STK38: variants seen among roughly 807,000 people sequenced by gnomAD.
STK38 encodes the protein serine/threonine-protein kinase 38.
Under a neutral mutation model 59.0 loss-of-function variants are expected in STK38, and 26 were observed. The ratio of observed to expected loss-of-function variants is 0.44; its 90% CI spans 0.32 to 0.61. STK38 has a LOEUF of 0.61. STK38 is among the 20% of genes least tolerant of loss of function. The probability of loss-of-function intolerance (pLI) is 0.04; values close to 1 mark genes in which losing one functional copy is unlikely to be tolerated. For missense variants in STK38, 433 were observed against 566.0 expected, an observed-to-expected ratio of 0.76 and a Z score of 2.38; for synonymous variants, 175 against 176.6, an observed-to-expected ratio of 0.99 and a Z score of 0.07.
Position 36,540,215 on chromosome 6 carries a change from C to T in STK38, c.-5-8G>A. ...CTGTCATTGCCATGGCTGCTAGAAA[C>T]AAAGAAAAGAAGAGGTGTTAGATTT... On this transcript the variant is annotated splice_polypyrimidine_tract_variant and splice_region_variant and intron_variant, in intron 1 of 13. Coordinates refer to ENST00000229812, the MANE Select transcript of STK38 (RefSeq NM_007271.4). The T allele has an allele frequency of 6.2e-7, 1 of 1,613,390 alleles. No homozygotes were observed. Among genetic ancestry groups the T allele is most frequent in the Non-Finnish European group, 8.5e-7 (1 of 1,179,710 alleles).
chr6:36,513,846 A>AT (rs1777174662), intron 7 of STK38, among the ~76,000 whole-genome samples: 2 of 134,804 alleles, frequency 1.5e-5, no homozygotes, highest in South Asian at 2.6e-4. Context: ...TCTACTAAAA[A>AT]TTAAAAAAAA....
rs747537129 is a variant in STK38, at chr6:36,517,703, C to T, written c.514+14G>A. ...ACAAAAAGAAAAAATGACCTTTCAT[C>T]GTCAAGTAATTACCTCCAGGCAGGA... On this transcript the variant is annotated intron_variant, in intron 6 of 13. Coordinates refer to ENST00000229812, the MANE Select transcript of STK38 (RefSeq NM_007271.4). 27 of 1,609,194 alleles carry T rather than the reference C, an allele frequency of 1.7e-5. No homozygotes were observed. Among genetic ancestry groups the T allele is most frequent in the East Asian group, 2.2e-5 (1 of 44,836 alleles).
At chr6:36,537,963 C>T (rs1213627813) in intron 2 of STK38, among the ~76,000 whole-genome samples, 3 of 151,756 alleles carry the variant, frequency 2.0e-5, no homozygotes, top group African/African-American at 7.3e-5. Flanking sequence ...TACATGTTTC[C>T]ATTTATGTGT....
chr6:36,507,642 T>C (rs1266279539), intron 7 of STK38, 40 bp from the exon 8 acceptor site: 3 of 1,489,150 alleles, frequency 2.0e-6, no homozygotes, highest in South Asian at 1.1e-5. Flanking sequence ...ATGAGTATTC[T>C]TGGAGGTAGA....
At chr6:36,501,269 G>A (rs1031771946) in intron 9 of STK38, among the ~76,000 whole-genome samples, 7 of 151,776 alleles carry the variant, frequency 4.6e-5, no homozygotes, top group African/African-American at 1.5e-4. Flanking sequence ...AACATTTTCT[G>A]CATTCCAGTA....
chr6:36,531,512 C>T (rs1777665841), intron 2 of STK38, among the ~76,000 whole-genome samples: 1 of 152,174 alleles, frequency 6.6e-6, no homozygotes, highest in South Asian at 2.1e-4. Context: ...TACCTAGGAT[C>T]ACATACAGAG....
At chr6:36,505,144 A>G (rs1231260968) in intron 9 of STK38, among the ~76,000 whole-genome samples, 1 of 152,130 alleles carries the variant, frequency 6.6e-6, no homozygotes, top group Non-Finnish European at 1.5e-5. Context: ...CTGAATCATA[A>G]TTTCTGTGGG....
intron 2 of STK38, among the ~76,000 whole-genome samples, chr6:36,530,526 A>T (rs1477914008): frequency 6.7e-6 from 1 of 149,654 alleles, no homozygotes; most frequent in Non-Finnish European, 1.5e-5. Context: ...CACCACGCCC[A>T]GCTAATTTTT....
intron 2 of STK38, among the ~76,000 whole-genome samples, chr6:36,527,307 CGT>C (rs1491102599): frequency 7.6e-6 from 1 of 131,942 alleles, no homozygotes; most frequent in African/African-American, 2.9e-5. Flanking sequence ...TATGTATATA[CGT>C]ATATATACAC....
At chr6:36,522,976 TA>T (rs1236277422) in intron 4 of STK38, among the ~76,000 whole-genome samples, 8 of 151,726 alleles carry the variant, frequency 5.3e-5, no homozygotes, top group African/African-American at 1.9e-4. Flanking sequence ...AGAAAACAGA[TA>T]ATTTTATGAA....
intron 7 of STK38, among the ~76,000 whole-genome samples, chr6:36,514,848 CAA>C (rs58614183): frequency 0.32 from 24,946 of 77,166 alleles, 2,041 homozygotes; most frequent in East Asian, 0.48. Flanking sequence ...GACTTCATCT[CAA>C]AAAAAAAAAA....
In STK38 at chr6:36,498,394, TG is replaced by T. The variant is rs1214221601; in HGVS notation, c.1044del (p.Ile349SerfsTer8). The T allele has an allele frequency of 6.2e-7, 1 of 1,613,918 alleles. No individual in the cohort carries two copies. The highest frequency in any genetic ancestry group is 8.5e-7 in the Non-Finnish European group (1 of 1,179,988). On this transcript the variant is annotated frameshift_variant, in exon 11 of 14. Transcript: ENST00000229812. LOFTEE classifies it high-confidence loss of function. ...KETLTFPPEV[P>X]ISEKAKDLIL... Reference sequence around the variant, plus strand: ...ATTAGATCCTTGGCTTTCTCAGAGATGGGAACTTCTGGAGGAAAAGTCAAAG... The same window carrying T: ...ATTAGATCCTTGGCTTTCTCAGAGATGGAACTTCTGGAGGAAAAGTCAAAG...
intron 5 of STK38, among the ~76,000 whole-genome samples, chr6:36,519,275 CAAGTA>C (rs1777326642): frequency 6.6e-6 from 1 of 152,072 alleles, no homozygotes; most frequent in East Asian, 1.9e-4. Flanking sequence ...ACAATGAAAC[CAAGTA>C]AAGCATCTGC....
chr6:36,526,422 A>AG (rs745939932), intron 2 of STK38, among the ~76,000 whole-genome samples: 2 of 152,168 alleles, frequency 1.3e-5, no homozygotes, highest in Non-Finnish European at 2.9e-5. Context: ...TGGAAATTTA[A>AG]GGGGAAAAAG....
intron 2 of STK38, among the ~76,000 whole-genome samples, chr6:36,527,191 CAAAAAAA>C (rs777770396): frequency 4.3e-5 from 2 of 46,038 alleles, no homozygotes; most frequent in African/African-American, 1.9e-4. Context: ...GACTCCGTCT[CAAAAAAA>C]AAAAAAAAAA....
rs1449638063 is a variant in STK38, at chr6:36,494,498, G to A, written c.*1286C>T. On this transcript the variant is annotated 3_prime_UTR_variant, in exon 14 of 14. Coordinates refer to ENST00000229812, the MANE Select transcript of STK38 (RefSeq NM_007271.4). ...TTCTGACGAAATTCCTCTAAAGGTG[G>A]TGGCAGCTGTGAAACAGAAGGCACT... is the stretch of plus-strand genomic sequence containing the variant. 1.3e-5 allele frequency: 2 copies of A among 152,656 alleles called. No individual in the cohort carries two copies. The highest frequency in any genetic ancestry group is 2.4e-5 in the African/African-American group (1 of 41,446). The allele number at this position is 152,656 out of a possible 1,614,324, so 9.5% of individuals were successfully genotyped here.
In STK38 at chr6:36,515,455, CAG is replaced by C. The variant is rs756962352; in HGVS notation, c.550_551del (p.Leu184AspfsTer46). On this transcript the variant is annotated frameshift_variant, in exon 7 of 14. Transcript: ENST00000229812. LOFTEE classifies it high-confidence loss of function. ...TATAAAACTGAGTCTCCTCTTCTGT[CAG>C]AGTGTCTTTTTTCATCAACAAGGTC... ...MMTLLMKKDT[L>X]TEEETQFYIA... is the part of the protein sequence containing the mutation. 1 of 1,613,444 alleles carries C rather than the reference CAG, an allele frequency of 6.2e-7. No homozygotes were observed. The highest frequency in any genetic ancestry group is 1.1e-5 in the South Asian group (1 of 91,044).
intron 1 of STK38, among the ~76,000 whole-genome samples, chr6:36,544,097 C>A (rs1377598656): frequency 1.3e-5 from 2 of 152,034 alleles, no homozygotes; most frequent in Non-Finnish European, 2.9e-5. Context: ...TAAAAAGATA[C>A]GCAGACAAAA....
intron 1 of STK38, among the ~76,000 whole-genome samples, chr6:36,542,023 C>T (rs545987292): frequency 2.6e-5 from 4 of 151,726 alleles, no homozygotes; most frequent in South Asian, 2.1e-4. Flanking sequence ...TCAGTAGAGA[C>T]GGGGTTTCAC....
Sources: allele counts gnomAD v4.1 joint callset (sites outside exome capture counted in the v4.1 genomes callset), GRCh38; gene constraint gnomAD v4.1.1; transcripts MANE v1.5; gene names NCBI Gene and HGNC (gene_info 2026-07-23, HGNC 2026-07-21).